Variants in MGAT4A observed in about 807,000 individuals in gnomAD.
MGAT4A encodes the protein N-acetylglucosaminyltransferase IVa.
A neutral mutation model predicts 74.1 loss-of-function variants in MGAT4A; 33 were observed. That is an observed-to-expected ratio of 0.45 (90% CI 0.34 to 0.60). The LOEUF (loss-of-function observed/expected upper bound fraction) is 0.60, where lower values mean the gene tolerates loss of function less well. Among genes scored for constraint, MGAT4A ranks in the 20% least tolerant of loss-of-function variants. The pLI, the probability that MGAT4A is intolerant of heterozygous loss-of-function variation, is 0.02. For synonymous variants in MGAT4A, 198 were observed against 210.4 expected, an observed-to-expected ratio of 0.94 and a Z score of 0.51; for missense variants, 479 against 628.3, an observed-to-expected ratio of 0.76 and a Z score of 2.54.
At chr2:98,718,049 T>C (rs1702615490) in intron 2 of MGAT4A, among the ~76,000 whole-genome samples, 1 of 152,252 alleles carries the variant, frequency 6.6e-6, no homozygotes, top group East Asian at 1.9e-4. Context: ...AAATGCTTCG[T>C]CTGGTGTTTC....
chr2:98,695,379 T>C, intron 2 of MGAT4A: 1 of 218,058 alleles, frequency 4.6e-6, no homozygotes. Flanking sequence ...CCTGATACAC[T>C]GAAGACTCAG....
rs1701118489 is a variant in MGAT4A, at chr2:98,624,711, G to C, written c.*855C>G. On this transcript the variant is annotated 3_prime_UTR_variant, in exon 16 of 16. Transcript: ENST00000393487. ...GAGTTTGTCATTTTACATATCAGAG[G>C]AAATATAATAAGTTAAGTCTACAAT... 7.1e-6 allele frequency: 7 copies of C among 983,076 alleles called. No homozygotes were observed. Among genetic ancestry groups the C allele is most frequent in the Non-Finnish European group, 7.2e-6 (6 of 827,688 alleles). The allele number at this position is 983,076 out of a possible 1,614,324, so 60.9% of individuals were successfully genotyped here. A position where few individuals can be genotyped will look rare whatever the true frequency, so the allele number is the denominator to read the frequency against.
intron 9 of MGAT4A, among the ~76,000 whole-genome samples, chr2:98,644,351 T>G (rs750683685): frequency 7.9e-5 from 12 of 152,226 alleles, no homozygotes; most frequent in Non-Finnish European, 1.6e-4. Context: ...TTTCCCTTCG[T>G]GTCTTACTAA....
intron 2 of MGAT4A, among the ~76,000 whole-genome samples, chr2:98,714,875 G>A (rs1317185141): frequency 6.6e-6 from 1 of 152,054 alleles, no homozygotes; most frequent in Non-Finnish European, 1.5e-5. Context: ...CACAACAAAA[G>A]GCTCAGAAGC....
rs573273759 is a variant in MGAT4A, at chr2:98,703,820, G to C, written c.94+22419C>G. Among the ~76,000 whole-genome samples, 5 of 152,184 alleles carry C rather than the reference G, an allele frequency of 3.3e-5. No homozygotes were observed. In the East Asian group the frequency reaches 5.8e-4, roughly 18 times the overall value. On this transcript the variant is annotated intron_variant, in intron 2 of 15. Coordinates refer to ENST00000393487, the MANE Select transcript of MGAT4A (RefSeq NM_012214.3). ...GGACTTTTGTACTTGCTGTGATACTGCCAGGACCCCTCTTCACTCCAACTC... is the reference window on the plus strand; with the variant it reads ...GGACTTTTGTACTTGCTGTGATACTCCCAGGACCCCTCTTCACTCCAACTC...
At chr2:98,702,648 C>T (rs962622150) in intron 2 of MGAT4A, among the ~76,000 whole-genome samples, 2 of 152,236 alleles carry the variant, frequency 1.3e-5, no homozygotes, top group Admixed American at 1.3e-4. Flanking sequence ...GTGTGCTCCA[C>T]AGTCCAACAG....
intron 2 of MGAT4A, among the ~76,000 whole-genome samples, chr2:98,698,322 G>GA (rs34110611): frequency 0.25 from 37,486 of 152,056 alleles, 5,717 homozygotes; most frequent in Non-Finnish European, 0.35. Flanking sequence ...GGCTGAGGCA[G>GA]AAAAAAATCA....
intron 2 of MGAT4A, among the ~76,000 whole-genome samples, chr2:98,686,231 T>C (rs1463642126): frequency 6.6e-6 from 1 of 152,190 alleles, no homozygotes; most frequent in Non-Finnish European, 1.5e-5. Flanking sequence ...ATGGGGCTCA[T>C]AGATATACAG....
chr2:98,625,109 T>C lies in MGAT4A; in HGVS notation c.*457A>G. 2 of 905,480 alleles carry C rather than the reference T, an allele frequency of 2.2e-6. No homozygotes were observed. Among genetic ancestry groups the C allele is most frequent in the Non-Finnish European group, 2.6e-6 (2 of 757,094 alleles). The allele number at this position is 905,480 out of a possible 1,614,324, so 56.1% of individuals were successfully genotyped here. A position where few individuals can be genotyped will look rare whatever the true frequency, so the allele number is the denominator to read the frequency against. On this transcript the variant is annotated 3_prime_UTR_variant, in exon 16 of 16. Transcript: ENST00000393487. ...CAAAAATATGTACTTCTTAAGTGTT[T>C]CTAATAAATTAATTCCATAACATTT...
chr2:98,639,791 T>C lies in MGAT4A; in HGVS notation c.1322+17A>G. On this transcript the variant is annotated intron_variant, in intron 12 of 15. Coordinates refer to ENST00000393487, the MANE Select transcript of MGAT4A (RefSeq NM_012214.3). ...GATCCAAATTGTAAGATCACATACA[T>C]TTCAATAATCACCAACCTTTCTACA... is the stretch of plus-strand genomic sequence containing the variant. 6.3e-7 allele frequency: 1 copy of C among 1,586,336 alleles called. No homozygotes were observed. The highest frequency in any genetic ancestry group is 1.1e-5 in the South Asian group (1 of 89,070).
chr2:98,696,513 T>C (rs1207785080), intron 2 of MGAT4A, among the ~76,000 whole-genome samples: 1 of 152,250 alleles, frequency 6.6e-6, no homozygotes, highest in Non-Finnish European at 1.5e-5. Flanking sequence ...GTAATAGAAG[T>C]AGCATGTTGC....
intron 12 of MGAT4A, among the ~76,000 whole-genome samples, chr2:98,639,143 C>G (rs745982804): frequency 2.0e-5 from 3 of 151,974 alleles, no homozygotes; most frequent in Non-Finnish European, 4.4e-5. Context: ...AAAAATTAGC[C>G]AGGTGTGGTG....
At chr2:98,661,997 T>A (rs1409376479) in intron 5 of MGAT4A, among the ~76,000 whole-genome samples, 1 of 152,138 alleles carries the variant, frequency 6.6e-6, no homozygotes, top group Admixed American at 6.6e-5. Flanking sequence ...CCATCAAAAA[T>A]GTCCAAGTTC....
chr2:98,639,859 A>G lies in MGAT4A; in HGVS notation c.1271T>C (p.Ile424Thr). ...GEDFFWAITPIAGDYILFKFD... is the reference protein window; with the variant it reads ...GEDFFWAITPTAGDYILFKFD... Reference sequence around the variant, plus strand: ...TTTAAACAAGATGTAGTCTCCAGCTATCGGTGTGATAGCCCAGAAGAAATC... The same window carrying G: ...TTTAAACAAGATGTAGTCTCCAGCTGTCGGTGTGATAGCCCAGAAGAAATC... Residue 424 changes from isoleucine (I) to threonine (T), a missense_variant, in exon 12 of 16, where the codon ATA (isoleucine) becomes ACA (threonine). Physicochemically the swap from Ile to Thr is moderately conservative, Grantham distance 89 (BLOSUM62 -1). Coordinates refer to ENST00000393487, the MANE Select transcript of MGAT4A (RefSeq NM_012214.3). 2 of 1,614,112 alleles carry G rather than the reference A, an allele frequency of 1.2e-6. No homozygotes were observed. The highest frequency in any genetic ancestry group is 1.1e-5 in the South Asian group (1 of 91,076).
intron 2 of MGAT4A, among the ~76,000 whole-genome samples, chr2:98,681,790 TAA>T (rs542343543): frequency 6.6e-6 from 1 of 152,014 alleles, no homozygotes; most frequent in African/African-American, 2.4e-5. Flanking sequence ...CCAACTCTAG[TAA>T]AAAAAGAGTT....
In MGAT4A at chr2:98,655,417, T is replaced by C. The variant is rs765484369; in HGVS notation, c.774+28A>G. On this transcript the variant is annotated intron_variant, in intron 8 of 15. Coordinates refer to ENST00000393487, the MANE Select transcript of MGAT4A (RefSeq NM_012214.3). The stretch of plus-strand genomic sequence containing the variant: ...TGATAACACTTTTTCTTTACAAGCA[T>C]GAAAAACAAAGGAAAAACTACACTT... The C allele has an allele frequency of 3.9e-6, 6 of 1,530,468 alleles. No homozygotes were observed. The African/African-American group carries it at 5.6e-5, about 14-fold the overall frequency. 94.8% of individuals were successfully genotyped at this position (1,530,468 alleles called of 1,614,324 possible). A position where few individuals can be genotyped will look rare whatever the true frequency, so the allele number is the denominator to read the frequency against.
At chr2:98,631,926 A>G (rs1405154819) in intron 14 of MGAT4A, among the ~76,000 whole-genome samples, 1 of 151,956 alleles carries the variant, frequency 6.6e-6, no homozygotes. Flanking sequence ...CCTGGCCAAC[A>G]TGGCGAAACC....
In MGAT4A at chr2:98,625,292, T is replaced by C. The variant is rs1701127670; in HGVS notation, c.*274A>G. The C allele has an allele frequency of 1.2e-5, 14 of 1,125,436 alleles. No individual in the cohort carries two copies. The South Asian group carries it at 3.5e-4, about 29-fold the overall frequency. 69.7% of individuals were successfully genotyped at this position (1,125,436 alleles called of 1,614,324 possible). A position where few individuals can be genotyped will look rare whatever the true frequency, so the allele number is the denominator to read the frequency against. Reference sequence around the variant, plus strand: ...AAGAATGTAACAATATGTACAACTCTTATGTATTAGTATAATACCAAAATA... The same window carrying C: ...AAGAATGTAACAATATGTACAACTCCTATGTATTAGTATAATACCAAAATA... On this transcript the variant is annotated 3_prime_UTR_variant, in exon 16 of 16. Coordinates refer to ENST00000393487, the MANE Select transcript of MGAT4A (RefSeq NM_012214.3).
chr2:98,622,165 T>C lies in MGAT4A; in HGVS notation c.*3401A>G. The C allele has an allele frequency of 3.0e-6, 3 of 985,478 alleles. No individual in the cohort carries two copies. The highest frequency in any genetic ancestry group is 3.6e-6 in the Non-Finnish European group (3 of 829,948). The allele number at this position is 985,478 out of a possible 1,614,324, so 61.0% of individuals were successfully genotyped here. A position where few individuals can be genotyped will look rare whatever the true frequency, so the allele number is the denominator to read the frequency against. On this transcript the variant is annotated 3_prime_UTR_variant, in exon 16 of 16. Coordinates refer to ENST00000393487, the MANE Select transcript of MGAT4A (RefSeq NM_012214.3). Reference sequence around the variant, plus strand: ...CCCAAAATATTCATCATCATTTGCATTATGTTCTATTCCCATGTCTGCTTT... The same window carrying C: ...CCCAAAATATTCATCATCATTTGCACTATGTTCTATTCCCATGTCTGCTTT...
Sources: gnomAD v4.1 joint callset for allele counts (sites outside exome capture counted in the v4.1 genomes callset) on GRCh38, gnomAD v4.1.1 for gene constraint, MANE v1.5 for transcripts, NCBI Gene and HGNC (gene_info 2026-07-23, HGNC 2026-07-21) for gene names.